PTPRC: variants seen among roughly 807,000 people sequenced by gnomAD.
PTPRC encodes the protein receptor-type tyrosine-protein phosphatase C.
Under a neutral mutation model 155.9 loss-of-function variants are expected in PTPRC, and 44 were observed. That is an observed-to-expected ratio of 0.28 (90% CI 0.22 to 0.36). PTPRC has a LOEUF of 0.36. PTPRC is among the 10% of genes least tolerant of loss of function. The pLI, the probability that PTPRC is intolerant of heterozygous loss-of-function variation, is 1.00. For synonymous variants in PTPRC, 525 were observed against 533.1 expected, an observed-to-expected ratio of 0.98 and a Z score of 0.21; for missense variants, 1,401 against 1,564.6, an observed-to-expected ratio of 0.90 and a Z score of 1.76.
At position 198,732,523 on chromosome 1, in the gene PTPRC, A is replaced by G. The variant is rs1654442518; in HGVS notation, c.2109A>G (p.Ala703=). Residue 703 remains alanine (A), a synonymous_variant, in exon 20 of 33, where the codon GCA becomes GCG. Coordinates refer to ENST00000442510, the MANE Select transcript of PTPRC (RefSeq NM_002838.5). ...AACTCTCTGAGATAAACGGAGATGC[A>G]GGGTCAAACTACATAAATGCCAGCT... ...RVELSEINGD[A]GSNYINASYI... 12 of 1,610,820 alleles carry G rather than the reference A, an allele frequency of 7.4e-6. No homozygotes were observed. The highest frequency in any genetic ancestry group is 9.3e-6 in the Non-Finnish European group (11 of 1,178,426).
chr1:198,730,081 T>A (rs769901983), intron 17 of PTPRC, among the ~76,000 whole-genome samples: 2 of 152,166 alleles, frequency 1.3e-5, no homozygotes, highest in African/African-American at 4.8e-5. Flanking sequence ...TTATATTCTT[T>A]AATTTTTTAA....
At chr1:198,647,313 T>G (rs1571776560) in intron 2 of PTPRC, among the ~76,000 whole-genome samples, 1 of 151,882 alleles carries the variant, frequency 6.6e-6, no homozygotes, top group African/African-American at 2.4e-5. Context: ...AGGCTATCAC[T>G]GGGTCTCTGC....
At chr1:198,755,541 A>T (rs1057473376) in intron 32 of PTPRC, among the ~76,000 whole-genome samples, 10 of 152,086 alleles carry the variant, frequency 6.6e-5, no homozygotes, top group Non-Finnish European at 1.2e-4. Flanking sequence ...AACTTTAGGA[A>T]TCAAGAAACG....
chr1:198,690,771 A>G (rs2102363550), intron 2 of PTPRC, among the ~76,000 whole-genome samples: 1 of 152,204 alleles, frequency 6.6e-6, no homozygotes, highest in South Asian at 2.1e-4. Flanking sequence ...TCTCTTTAAC[A>G]ACCTGAGTTT....
intron 3 of PTPRC, chr1:198,694,795 C>T (rs1666113786): frequency 1.1e-6 from 1 of 948,200 alleles, no homozygotes; most frequent in Non-Finnish European, 1.3e-6. Flanking sequence ...TTTCTCCCAC[C>T]CTCTCTCCCT....
chr1:198,673,900 T>C (rs1664792182), intron 2 of PTPRC, among the ~76,000 whole-genome samples: 1 of 152,172 alleles, frequency 6.6e-6, no homozygotes. Context: ...ATAATGTACT[T>C]CTCTCCCAAA....
In PTPRC at chr1:198,713,102, A is replaced by G. The variant is rs552344716; in HGVS notation, c.1291+30A>G. The stretch of plus-strand genomic sequence containing the variant: ...TTTGTGTAGAATTTAATTTCATCAG[A>G]AAAGAGAAATCAAGAATTTGAAAGT... On this transcript the variant is annotated intron_variant, in intron 12 of 32. Coordinates refer to ENST00000442510, the MANE Select transcript of PTPRC (RefSeq NM_002838.5). The G allele has an allele frequency of 5.6e-6, 9 of 1,612,580 alleles. No individual in the cohort carries two copies. In the South Asian group the frequency reaches 7.7e-5, roughly 14 times the overall value.
intron 2 of PTPRC, among the ~76,000 whole-genome samples, chr1:198,644,476 T>G (rs2102186363): frequency 6.6e-6 from 1 of 152,046 alleles, no homozygotes; most frequent in East Asian, 1.9e-4. Flanking sequence ...ATATTTATAT[T>G]AGAAAATATC....
rs747156489 is a variant in PTPRC at position 198,752,350 on chromosome 1, C to T, written c.3309C>T (p.Val1103=). The part of the protein sequence containing the change: ...TDKSSTYTLR[V]FELRHSKRKD... ...AATCTTCAACTTATACCCTTCGTGT[C>T]TTTGAACTGAGACATTCCAAGGTAT... The change falls in exon 30 of 33, where the codon GTC becomes GTT. Residue 1103 remains valine (V), a synonymous_variant. Coordinates refer to ENST00000442510, the MANE Select transcript of PTPRC (RefSeq NM_002838.5). The T allele has an allele frequency of 1.3e-5, 21 of 1,612,508 alleles. No homozygotes were observed. The South Asian group carries it at 2.0e-4, about 15-fold the overall frequency.
chr1:198,708,931 A>T (rs1037300062), intron 10 of PTPRC, among the ~76,000 whole-genome samples: 4 of 152,246 alleles, frequency 2.6e-5, no homozygotes, highest in Non-Finnish European at 5.9e-5. Flanking sequence ...ATGCACGCAT[A>T]TCCACAGCTA....
chr1:198,678,518 C>T (rs1015795968), intron 2 of PTPRC, among the ~76,000 whole-genome samples: 6 of 152,090 alleles, frequency 3.9e-5, no homozygotes, highest in African/African-American at 1.2e-4. Flanking sequence ...GGCCATGCCC[C>T]AACAAAAGCA....
intron 3 of PTPRC, among the ~76,000 whole-genome samples, chr1:198,695,470 A>G (rs939108639): frequency 1.3e-5 from 2 of 149,106 alleles, no homozygotes; most frequent in African/African-American, 4.9e-5. Flanking sequence ...CAACCTCCAG[A>G]GATCACATGA....
chr1:198,639,083 TC>T lies in PTPRC; in HGVS notation c.-97del. The T allele has an allele frequency of 1.6e-6, 1 of 615,282 alleles. No individual in the cohort carries two copies. Among genetic ancestry groups the T allele is most frequent in the Non-Finnish European group, 2.9e-6 (1 of 342,964 alleles). 38.1% of individuals were successfully genotyped at this position (615,282 alleles called of 1,614,324 possible). On this transcript the variant is annotated 5_prime_UTR_variant, in exon 1 of 33. An upstream open reading frame in the 5' UTR gains an earlier in-frame stop. Transcript: ENST00000442510. ...TTCATGCAGCTAGCAAGTGGTTTGT[TC>T]TTAGGGTAACAGAGGAGGAAATTGT...
intron 3 of PTPRC, chr1:198,694,448 A>G (rs1666096705): frequency 2.8e-6 from 3 of 1,066,550 alleles, no homozygotes; most frequent in Non-Finnish European, 3.4e-6. Flanking sequence ...AATCAAGTTG[A>G]CACTCAATAT....
chr1:198,654,428 A>G (rs1663427671), intron 2 of PTPRC, among the ~76,000 whole-genome samples: 1 of 151,894 alleles, frequency 6.6e-6, no homozygotes, highest in African/African-American at 2.4e-5. Context: ...AAGGAGATTT[A>G]AAATTAGGGA....
chr1:198,729,251 A>T (rs1654281591), intron 17 of PTPRC, 80 bp downstream of exon 17: 1 of 1,398,970 alleles, frequency 7.1e-7, no homozygotes. Context: ...ATTTATTTAT[A>T]TTTATTTTAA....
intron 13 of PTPRC, among the ~76,000 whole-genome samples, chr1:198,717,795 C>T (rs1045861589): frequency 6.6e-6 from 1 of 152,058 alleles, no homozygotes; most frequent in Non-Finnish European, 1.5e-5. Flanking sequence ...CAAACTTCCC[C>T]CTCTTCCCCA....
intron 14 of PTPRC, among the ~76,000 whole-genome samples, chr1:198,719,875 T>C (rs1177225405): frequency 6.6e-6 from 1 of 152,072 alleles, no homozygotes; most frequent in Non-Finnish European, 1.5e-5. Context: ...CCTCCCAAAT[T>C]GTTGGGATTA....
At chr1:198,743,726 G>T (rs1160349114) in intron 25 of PTPRC, among the ~76,000 whole-genome samples, 1 of 151,570 alleles carries the variant, frequency 6.6e-6, no homozygotes, top group African/African-American at 2.4e-5. Context: ...CAGTAATTTG[G>T]CTTACTGACC....
Sources: gnomAD v4.1 joint callset for allele counts (sites outside exome capture counted in the v4.1 genomes callset) on GRCh38, gnomAD v4.1.1 for gene constraint, MANE v1.5 for transcripts, NCBI Gene and HGNC (gene_info 2026-07-23, HGNC 2026-07-21) for gene names.